STK25: variants seen among roughly 807,000 people sequenced by gnomAD.
The protein encoded by STK25 is serine/threonine kinase 25.
A neutral mutation model predicts 53.8 loss-of-function variants in STK25; 29 were observed. The ratio of observed to expected loss-of-function variants is 0.54; its 90% CI spans 0.40 to 0.74. The LOEUF (loss-of-function observed/expected upper bound fraction) is 0.74, where lower values mean the gene tolerates loss of function less well. Among genes scored for constraint, STK25 ranks in the 30% least tolerant of loss-of-function variants. STK25 has a pLI of 0.00. For missense variants in STK25, 420 were observed against 568.0 expected (o/e 0.74, Z 2.65); for synonymous variants, 247 against 238.3 (o/e 1.04, Z -0.33).
intron 2 of STK25, among the ~76,000 whole-genome samples, chr2:241,505,417 ACTC>A (rs1021408120): frequency 1.1e-4 from 16 of 150,598 alleles, no homozygotes; most frequent in African/African-American, 3.7e-4. Context: ...CCTCCCATCT[ACTC>A]CTGTCTAAGG....
rs2065517201 is a variant in STK25, at chr2:241,501,654, C to T, written c.85G>A (p.Gly29Ser). ...LFTKLDRIGKGSFGEVYKGID... is the reference protein window; with the variant it reads ...LFTKLDRIGKSSFGEVYKGID... Reference sequence around the variant, plus strand: ...CCCTTGTAGACCTCCCCAAACGAGCCCTTGCCAATGCGGTCGAGCTTGGTG... The same window carrying T: ...CCCTTGTAGACCTCCCCAAACGAGCTCTTGCCAATGCGGTCGAGCTTGGTG... Residue 29 changes from glycine to serine, a missense_variant, in exon 3 of 12, where the codon GGC (glycine) becomes AGC (serine). Gly to Ser is a moderately conservative substitution (Grantham distance 56). Transcript: ENST00000316586. This position sits in a 1 kb window ranked among gnomAD's most constrained non-coding sequence, Gnocchi z 5.3. 6.2e-7 allele frequency: 1 copy of T among 1,613,936 alleles called. No homozygotes were observed. The highest frequency in any genetic ancestry group is 1.7e-5 in the Admixed American group (1 of 60,004).
At position 241,507,889 on chromosome 2, in the gene STK25, C is replaced by T. The variant is rs953368243; in HGVS notation, c.30+117G>A. The T allele has an allele frequency of 2.2e-5, 24 of 1,070,286 alleles. No homozygotes were observed. The African/African-American group carries it at 3.3e-4, about 15-fold the overall frequency. 66.3% of individuals were successfully genotyped at this position (1,070,286 alleles called of 1,614,324 possible). ...ACGGCTCCGCTGGTCGCACGACGCG[C>T]GCTCCTTCCCTCACCCCACTGCCCG... On this transcript the variant is annotated intron_variant, in intron 2 of 11. Transcript: ENST00000316586.
At chr2:241,507,888 G>T in intron 2 of STK25, 118 bp downstream of exon 2, 2 of 1,062,238 alleles carry the variant, frequency 1.9e-6, no homozygotes, top group Non-Finnish European at 2.8e-6. Flanking sequence ...CGCACGACGC[G>T]CGCTCCTTCC....
Position 241,508,483 on chromosome 2 carries a change from C to T in STK25, c.-141G>A. 1 of 1,038,998 alleles carries T rather than the reference C, an allele frequency of 9.6e-7. No homozygotes were observed. The highest frequency in any genetic ancestry group is 1.2e-6 in the Non-Finnish European group (1 of 862,340). 64.4% of individuals were successfully genotyped at this position (1,038,998 alleles called of 1,614,324 possible). A position where few individuals can be genotyped will look rare whatever the true frequency, so the allele number is the denominator to read the frequency against. ...TCCCGGCCTCCCCCGGCCCGCTCTG[C>T]AGCGCCCGCGAAGGCTCCCACCCGC... On this transcript the variant is annotated 5_prime_UTR_variant, in exon 1 of 12. Coordinates refer to ENST00000316586, the MANE Select transcript of STK25 (RefSeq NM_001271977.2).
intron 10 of STK25, chr2:241,497,247 C>T (rs1022549159): frequency 2.9e-5 from 6 of 205,168 alleles, no homozygotes; most frequent in South Asian, 1.9e-4. Flanking sequence ...TTTCTGAGGA[C>T]GGTGCTGACT....
In STK25 at chr2:241,499,096, G is replaced by A. The variant is rs148589164; in HGVS notation, c.664C>T (p.Arg222Cys). ...TTCTTGGGAATCAGGAACAGGACGCGCATGGGGTGGAGGTCAGAGTTTGGA... is the reference window on the plus strand; with the variant it reads ...TTCTTGGGAATCAGGAACAGGACGCACATGGGGTGGAGGTCAGAGTTTGGA... ...EPPNSDLHPM[R>C]VLFLIPKNSP... The change falls in exon 7 of 12, where the codon CGC (arginine) becomes TGC (cysteine). Residue 222 changes from arginine (R) to cysteine (C), a missense_variant. Transcript: ENST00000316586. 16 of 1,613,974 alleles carry A rather than the reference G, an allele frequency of 9.9e-6. No individual in the cohort carries two copies. Among genetic ancestry groups the A allele is most frequent in the African/African-American group, 2.7e-5 (2 of 74,920 alleles).
intron 3 of STK25, 103 bp from the exon 4 acceptor site, chr2:241,500,899 G>T: frequency 1.7e-6 from 2 of 1,147,474 alleles, no homozygotes; most frequent in Non-Finnish European, 2.5e-6. Flanking sequence ...GGCCCCACCG[G>T]TCCCATCCCT....
rs34119117 is a variant in STK25 at position 241,495,946 on chromosome 2, C to T, written c.1242-245G>A. On this transcript the variant is annotated intron_variant, in intron 11 of 11. Coordinates refer to ENST00000316586, the MANE Select transcript of STK25 (RefSeq NM_001271977.2). The stretch of plus-strand genomic sequence containing the variant: ...GTGGACCAGGACTTGGCGCATCTGC[C>T]GGCGGCATGGCGGTTGGACCCTAAG... 7.2e-5 allele frequency among the ~76,000 whole-genome samples: 11 copies of T among 152,242 alleles called. No homozygotes were observed. In the East Asian group the frequency reaches 1.2e-3, roughly 16 times the overall value.
At chr2:241,503,350 C>T (rs9679721) in intron 2 of STK25, among the ~76,000 whole-genome samples, 5,255 of 151,800 alleles carry the variant, frequency 0.035, 302 homozygotes, top group African/African-American at 0.12. Context: ...CAGGCGTGAG[C>T]CACCACGCAC....
intron 9 of STK25, 54 bp downstream of exon 9, chr2:241,498,181 C>G: frequency 6.6e-7 from 1 of 1,525,786 alleles, no homozygotes; most frequent in Non-Finnish European, 9.1e-7. Context: ...CGCATCCAGC[C>G]CATCCCACGG....
Position 241,495,812 on chromosome 2 carries a change from G to T in STK25, c.1242-111C>A, listed in dbSNP as rs1051785459. The T allele has an allele frequency of 7.1e-6, 8 of 1,134,702 alleles. No individual in the cohort carries two copies. The East Asian group carries it at 1.7e-4, about 24-fold the overall frequency. The allele number at this position is 1,134,702 out of a possible 1,614,324, so 70.3% of individuals were successfully genotyped here. On this transcript the variant is annotated intron_variant, in intron 11 of 11. Transcript: ENST00000316586. ...CAGCCCTGACAAGCCACCGCACCAC[G>T]TGGGTCTGAAGGTGTCCCCAATGCA...
At chr2:241,505,436 T>C (rs1412221049) in intron 2 of STK25, among the ~76,000 whole-genome samples, 1 of 152,174 alleles carries the variant, frequency 6.6e-6, no homozygotes, top group Non-Finnish European at 1.5e-5. Context: ...TAAGGTGGCC[T>C]GAGAGAGGGC....
Position 241,501,269 on chromosome 2 carries a change from G to C in STK25, c.261+209C>G, listed in dbSNP as rs2065493787. 1.6e-6 allele frequency: 1 copy of C among 626,636 alleles called. No homozygotes were observed. The highest frequency in any genetic ancestry group is 2.9e-6 in the Non-Finnish European group (1 of 346,080). The allele number at this position is 626,636 out of a possible 1,614,324, so 38.8% of individuals were successfully genotyped here. Reference sequence around the variant, plus strand: ...CAGCGCCCTCACTGCATTACCACAGGCAGGCAAGTGGGTCCCAATGGCCAT... The same window carrying C: ...CAGCGCCCTCACTGCATTACCACAGCCAGGCAAGTGGGTCCCAATGGCCAT... On this transcript the variant is annotated intron_variant, in intron 3 of 11. Coordinates refer to ENST00000316586, the MANE Select transcript of STK25 (RefSeq NM_001271977.2). The surrounding 1 kb of genome is among the most constrained non-coding windows in gnomAD (Gnocchi z 5.3).
chr2:241,493,343 C>T lies in STK25; in HGVS notation c.*2319G>A. 2 of 1,613,962 alleles carry T rather than the reference C, an allele frequency of 1.2e-6. No individual in the cohort carries two copies. Among genetic ancestry groups the T allele is most frequent in the African/African-American group, 1.3e-5 (1 of 75,040 alleles). On this transcript the variant is annotated 3_prime_UTR_variant, in exon 12 of 12. Coordinates refer to ENST00000316586, the MANE Select transcript of STK25 (RefSeq NM_001271977.2). ...CGCTGCTGGGCTACAGCGTGAGCAT[C>T]CCCAGGGAGGCCGATGGCATACACA... is the stretch of plus-strand genomic sequence containing the variant.
intron 7 of STK25, 68 bp downstream of exon 7, chr2:241,498,921 C>A (rs1159035641): frequency 6.2e-7 from 1 of 1,610,682 alleles, no homozygotes; most frequent in East Asian, 2.2e-5. Flanking sequence ...GGCTGTGCCG[C>A]CCACCCCAAG....
chr2:241,494,155 T>A lies in STK25; in HGVS notation c.*1507A>T. ...CAACCTGCCCAGGTTTGGACACAAC[T>A]ACAAAGAACAGCAGGACACAGAGGT... On this transcript the variant is annotated 3_prime_UTR_variant, in exon 12 of 12. Transcript: ENST00000316586. The surrounding 1 kb of genome is among the most constrained non-coding windows in gnomAD (Gnocchi z 4.9). 2 of 1,341,642 alleles carry A rather than the reference T, an allele frequency of 1.5e-6. No homozygotes were observed. Among genetic ancestry groups the A allele is most frequent in the Non-Finnish European group, 2.0e-6 (2 of 999,110 alleles). The allele number at this position is 1,341,642 out of a possible 1,614,324, so 83.1% of individuals were successfully genotyped here. A position where few individuals can be genotyped will look rare whatever the true frequency, so the allele number is the denominator to read the frequency against.
rs886822321 is a variant in STK25 at position 241,501,119 on chromosome 2, C to G, written c.262-323G>C. 1.8e-6 allele frequency: 1 copy of G among 553,252 alleles called. No homozygotes were observed. The highest frequency in any genetic ancestry group is 3.3e-6 in the Non-Finnish European group (1 of 306,876). 34.3% of individuals were successfully genotyped at this position (553,252 alleles called of 1,614,324 possible). A position where few individuals can be genotyped will look rare whatever the true frequency, so the allele number is the denominator to read the frequency against. Reference sequence around the variant, plus strand: ...GCTGGCAAGCATGTGACCCGACACACCCATCACCCTCCTGGGCAGGATGGC... The same window carrying G: ...GCTGGCAAGCATGTGACCCGACACAGCCATCACCCTCCTGGGCAGGATGGC... On this transcript the variant is annotated intron_variant, in intron 3 of 11. Coordinates refer to ENST00000316586, the MANE Select transcript of STK25 (RefSeq NM_001271977.2). This position sits in a 1 kb window ranked among gnomAD's most constrained non-coding sequence, Gnocchi z 5.3.
Position 241,496,870 on chromosome 2 carries a change from C to T in STK25, c.1105-336G>A, listed in dbSNP as rs1209928170. 2.0e-5 allele frequency among the ~76,000 whole-genome samples: 3 copies of T among 152,184 alleles called. No homozygotes were observed. Among genetic ancestry groups the T allele is most frequent in the Non-Finnish European group, 4.4e-5 (3 of 68,032 alleles). On this transcript the variant is annotated intron_variant, in intron 10 of 11. Coordinates refer to ENST00000316586, the MANE Select transcript of STK25 (RefSeq NM_001271977.2). The surrounding 1 kb of genome is among the most constrained non-coding windows in gnomAD (Gnocchi z 5.8). The stretch of plus-strand genomic sequence containing the variant: ...ATGGGTCTAATCAGACCCAAAAACA[C>T]GAAGCCCAGAAACCCCCAAAGCACA...
chr2:241,505,178 C>G (rs544590187), intron 2 of STK25, among the ~76,000 whole-genome samples: 1 of 152,008 alleles, frequency 6.6e-6, no homozygotes. Context: ...GCAGAAGCAG[C>G]CCCTCTTCTG....
Sources: allele counts gnomAD v4.1 joint callset (sites outside exome capture counted in the v4.1 genomes callset), GRCh38; gene constraint gnomAD v4.1.1; non-coding constraint Gnocchi (gnomAD v3.1); transcripts MANE v1.5; gene names NCBI Gene and HGNC (gene_info 2026-07-23, HGNC 2026-07-21).